The following DDX39A variants were observed in gnomAD, a reference collection of about 807,000 sequenced individuals.
The protein encoded by DDX39A is ATP-dependent RNA helicase DDX39A.
A neutral mutation model predicts 46.3 loss-of-function variants in DDX39A; 13 were observed. The ratio of observed to expected loss-of-function variants is 0.28; its 90% confidence interval spans 0.18 to 0.45. DDX39A has a LOEUF of 0.45. DDX39A is among the 20% of genes least tolerant of loss of function. The pLI is 1.00. For synonymous variants in DDX39A, 234 were observed against 224.6 expected, an observed-to-expected ratio of 1.04 and a Z score of -0.38; for missense variants, 352 against 581.8, an observed-to-expected ratio of 0.61 and a Z score of 4.06.
In DDX39A at chr19:14,410,908, C is replaced by A; in HGVS notation, c.613+81G>T. 1 of 1,347,438 alleles carries A rather than the reference C, an allele frequency of 7.4e-7. No homozygotes were observed. Among genetic ancestry groups the A allele is most frequent in the South Asian group, 1.5e-5 (1 of 65,042 alleles). The allele number at this position is 1,347,438 out of a possible 1,614,324, so 83.5% of individuals were successfully genotyped here. ...CCCCGCCTGCCGGCCGCCCATGTAACCCACTCAAGAGCCTTCCGCCTGCTA... is the reference window on the plus strand; with the variant it reads ...CCCCGCCTGCCGGCCGCCCATGTAAACCACTCAAGAGCCTTCCGCCTGCTA... On this transcript the variant is annotated intron_variant, in intron 5 of 10. Coordinates refer to ENST00000242776, the MANE Select transcript of DDX39A (RefSeq NM_005804.4). The surrounding 1 kb of genome is among the most constrained non-coding windows in gnomAD (Gnocchi z 4.3).
At chr19:14,418,993 C>T (rs1976934354) in intron 1 of DDX39A, 1 of 456,158 alleles carries the variant, frequency 2.2e-6, no homozygotes, top group African/African-American at 2.0e-5. Context: ...CTGACAGACT[C>T]CAAGTGGGGC....
At position 14,411,696 on chromosome 19, in the gene DDX39A, C is replaced by CA; in HGVS notation, c.337-99dup. The CA allele has an allele frequency of 9.2e-7, 1 of 1,088,790 alleles. No homozygotes were observed. Among genetic ancestry groups the CA allele is most frequent in the Non-Finnish European group, 1.4e-6 (1 of 730,168 alleles). The allele number at this position is 1,088,790 out of a possible 1,614,324, so 67.4% of individuals were successfully genotyped here. The stretch of plus-strand genomic sequence containing the variant: ...AACCCAGTCCCCCTGACACTGCACC[C>CA]AACATCACAGGCCATTTGAAGGCCC... On this transcript the variant is annotated intron_variant, in intron 3 of 10. Coordinates refer to ENST00000242776, the MANE Select transcript of DDX39A (RefSeq NM_005804.4). The surrounding 1 kb of genome is among the most constrained non-coding windows in gnomAD (Gnocchi z 4.1).
At chr19:14,415,474 T>G (rs1466495859) in intron 1 of DDX39A, among the ~76,000 whole-genome samples, 1 of 151,992 alleles carries the variant, frequency 6.6e-6, no homozygotes, top group Non-Finnish European at 1.5e-5. Flanking sequence ...TTTTTGTATT[T>G]GTAACAGAGA....
In DDX39A at chr19:14,412,465, C is replaced by T. The variant is rs769554985; in HGVS notation, c.336+86G>A. On this transcript the variant is annotated intron_variant, in intron 3 of 10. Coordinates refer to ENST00000242776, the MANE Select transcript of DDX39A (RefSeq NM_005804.4). This position sits in a 1 kb window ranked among gnomAD's most constrained non-coding sequence, Gnocchi z 4.4. ...AGCCTCAGCTTCCCAAAGCACTGGG[C>T]TAACAGGTGTGAGCCACCCCATCCA... 1.3e-6 allele frequency: 2 copies of T among 1,525,588 alleles called. No individual in the cohort carries two copies. The highest frequency in any genetic ancestry group is 3.8e-5 in the Admixed American group (2 of 52,848). 94.5% of individuals were successfully genotyped at this position (1,525,588 alleles called of 1,614,324 possible).
chr19:14,409,029 G>A lies in DDX39A; in HGVS notation c.1267+8C>T. 1.9e-6 allele frequency: 3 copies of A among 1,614,178 alleles called. No homozygotes were observed. Among genetic ancestry groups the A allele is most frequent in the South Asian group, 1.1e-5 (1 of 91,088 alleles). On this transcript the variant is annotated splice_region_variant and intron_variant, in intron 10 of 10. Transcript: ENST00000242776. The surrounding 1 kb of genome is among the most constrained non-coding windows in gnomAD (Gnocchi z 8.3). ...CCCCAGACCCCTGGCCCTGCCCAAG[G>A]CACTTACTGTATGTGGAGATGTCGA...
rs573937866 is a variant in DDX39A, at chr19:14,412,396, A to G, written c.336+155T>C. On this transcript the variant is annotated intron_variant, in intron 3 of 10. Transcript: ENST00000242776. This position sits in a 1 kb window ranked among gnomAD's most constrained non-coding sequence, Gnocchi z 4.4. ...CAGGCTGGAGTGCAGTGGTGTGATC[A>G]TAGCACACTGCAGCCTCGACTTCCT... 5.9e-4 allele frequency: 575 copies of G among 980,688 alleles called. 12 individuals are homozygous for G. The South Asian group carries it at 8.9e-3, about 15-fold the overall frequency. The allele number at this position is 980,688 out of a possible 1,614,324, so 60.7% of individuals were successfully genotyped here.
Position 14,412,947 on chromosome 19 carries a change from G to A in DDX39A, c.208+66C>T. On this transcript the variant is annotated intron_variant, in intron 2 of 10. Transcript: ENST00000242776. The surrounding 1 kb of genome is among the most constrained non-coding windows in gnomAD (Gnocchi z 4.4). ...GGCAAACTGGAGGCGGCACCGCTCT[G>A]GGCGGGCAGGGCTGGTCTTGTCTTG... The A allele has an allele frequency of 6.5e-7, 1 of 1,543,396 alleles. No homozygotes were observed. The highest frequency in any genetic ancestry group is 1.4e-5 in the African/African-American group (1 of 73,274).
chr19:14,411,344 G>A lies in DDX39A; in HGVS notation c.429+162C>T. The A allele has an allele frequency of 1.0e-6, 1 of 991,188 alleles. No homozygotes were observed. Among genetic ancestry groups the A allele is most frequent in the Non-Finnish European group, 1.5e-6 (1 of 670,474 alleles). 61.4% of individuals were successfully genotyped at this position (991,188 alleles called of 1,614,324 possible). A position where few individuals can be genotyped will look rare whatever the true frequency, so the allele number is the denominator to read the frequency against. On this transcript the variant is annotated intron_variant, in intron 4 of 10. Coordinates refer to ENST00000242776, the MANE Select transcript of DDX39A (RefSeq NM_005804.4). The surrounding 1 kb of genome is among the most constrained non-coding windows in gnomAD (Gnocchi z 4.1). ...CTGGGACCTGCGCAGGCCCCTGGGAGCCATGCATAATTCATCAGGCTTTTA... is the reference window on the plus strand; with the variant it reads ...CTGGGACCTGCGCAGGCCCCTGGGAACCATGCATAATTCATCAGGCTTTTA...
At position 14,409,338 on chromosome 19, in the gene DDX39A, C is replaced by T. The variant is rs1976453205; in HGVS notation, c.1084G>A (p.Asp362Asn). ...IERVNIVFNY[D>N]MPEDSDTYLH... ...TAGGTGTCCGAGTCCTCAGGCATGT[C>T]GTAGTTAAAGACGATGTTGACTCGC... is the stretch of plus-strand genomic sequence containing the variant. The change falls in exon 9 of 11, where the codon GAC becomes AAC. Residue 362 changes from aspartate (D) to asparagine (N), a missense_variant. By Grantham distance (23) the Asp-to-Asn change is conservative (BLOSUM62 1). Transcript: ENST00000242776. This position sits in a 1 kb window ranked among gnomAD's most constrained non-coding sequence, Gnocchi z 8.3. 1.2e-6 allele frequency: 2 copies of T among 1,614,190 alleles called. No individual in the cohort carries two copies. The highest frequency in any genetic ancestry group is 8.5e-7 in the Non-Finnish European group (1 of 1,180,034).
In DDX39A at chr19:14,411,104, A is replaced by G. The variant is rs1449391005; in HGVS notation, c.498T>C (p.His166=). 1.9e-6 allele frequency: 3 copies of G among 1,611,654 alleles called. No homozygotes were observed. The Admixed American group carries it at 5.1e-5, about 27-fold the overall frequency. ...TGCGGCCCGGGGTCCCCACCACGAC[A>G]TGGGGACAGTTCTTCTTCAACACTT... The part of the protein sequence containing the change: ...DEEVLKKNCP[H]VVVGTPGRIL... The change falls in exon 5 of 11, where the codon CAT becomes CAC. Residue 166 remains histidine, a synonymous_variant. Transcript: ENST00000242776. The surrounding 1 kb of genome is among the most constrained non-coding windows in gnomAD (Gnocchi z 4.1).
At position 14,412,330 on chromosome 19, in the gene DDX39A, A is replaced by G. The variant is rs1469381072; in HGVS notation, c.336+221T>C. 6.0e-6 allele frequency: 3 copies of G among 502,018 alleles called. No homozygotes were observed. Among genetic ancestry groups the G allele is most frequent in the African/African-American group, 2.0e-5 (1 of 51,010 alleles). 31.1% of individuals were successfully genotyped at this position (502,018 alleles called of 1,614,324 possible). The stretch of plus-strand genomic sequence containing the variant: ...TTATTGGCAATTTCTAATTTTTGTT[A>G]TAACTAATTATTTTTTGAGATGGAG... On this transcript the variant is annotated intron_variant, in intron 3 of 10. Transcript: ENST00000242776. The surrounding 1 kb of genome is among the most constrained non-coding windows in gnomAD (Gnocchi z 4.4).
chr19:14,419,007 G>C (rs1414073685), intron 1 of DDX39A: 2 of 456,086 alleles, frequency 4.4e-6, no homozygotes, highest in African/African-American at 4.0e-5. Flanking sequence ...GTGGGGCTCG[G>C]AGCGCCGTAG....
Position 14,411,815 on chromosome 19 carries a change from C to T in DDX39A, c.337-217G>A, listed in dbSNP as rs1320529759. The stretch of plus-strand genomic sequence containing the variant: ...TGAAACCTGTCTCCCAACACCAGGA[C>T]CCACAATAAGAAACAGAAAATGGAA... On this transcript the variant is annotated intron_variant, in intron 3 of 10. Coordinates refer to ENST00000242776, the MANE Select transcript of DDX39A (RefSeq NM_005804.4). The surrounding 1 kb of genome is among the most constrained non-coding windows in gnomAD (Gnocchi z 4.1). Among the ~76,000 whole-genome samples, 1 of 152,038 alleles carries T rather than the reference C, an allele frequency of 6.6e-6. No homozygotes were observed. The highest frequency in any genetic ancestry group is 1.5e-5 in the Non-Finnish European group (1 of 68,026).
At chr19:14,418,945 A>G in intron 1 of DDX39A, 1 of 455,958 alleles carries the variant, frequency 2.2e-6, no homozygotes, top group Non-Finnish European at 4.4e-6. Context: ...GTCCCTCTCC[A>G]AATGGCCCCA....
Position 14,410,393 on chromosome 19 carries a change from C to G in DDX39A, c.614-59G>C. The G allele has an allele frequency of 6.8e-7, 1 of 1,474,282 alleles. No individual in the cohort carries two copies. Among genetic ancestry groups the G allele is most frequent in the Admixed American group, 1.7e-5 (1 of 59,768 alleles). 91.3% of individuals were successfully genotyped at this position (1,474,282 alleles called of 1,614,324 possible). A position where few individuals can be genotyped will look rare whatever the true frequency, so the allele number is the denominator to read the frequency against. On this transcript the variant is annotated intron_variant, in intron 5 of 10. Coordinates refer to ENST00000242776, the MANE Select transcript of DDX39A (RefSeq NM_005804.4). This position sits in a 1 kb window ranked among gnomAD's most constrained non-coding sequence, Gnocchi z 4.3. The stretch of plus-strand genomic sequence containing the variant: ...AGCGTCTGCCATGCAGGACCCCCAC[C>G]CCAGACCAGACCCAGACCCCTCCCA...
At chr19:14,413,895 C>G (rs571019505) in intron 1 of DDX39A, 1 of 152,384 alleles carries the variant, frequency 6.6e-6, no homozygotes, top group African/African-American at 2.4e-5. Flanking sequence ...ATTAAGTGCT[C>G]TCATGAAAGG....
chr19:14,410,332 T>G lies in DDX39A; in HGVS notation c.616A>C (p.Met206Leu). ...ECDKMLEQLD[M>L]RRDVQEIFRL... ...AAGATCTCCTGCACATCCCGCCGCA[T>G]GTCTAGGTGGGGAGGGCAAGACATG... Residue 206 changes from methionine (M) to leucine (L), a missense_variant and splice_region_variant, in exon 6 of 11, where the codon ATG (methionine) becomes CTG (leucine). By Grantham distance (15) the Met-to-Leu change is conservative. This residue lies in a region of DDX39A where 301 missense variants were observed against 469.9 expected (regional missense o/e 0.64). Transcript: ENST00000242776. This position sits in a 1 kb window ranked among gnomAD's most constrained non-coding sequence, Gnocchi z 4.3. The G allele has an allele frequency of 6.2e-7, 1 of 1,613,762 alleles. No homozygotes were observed. Among genetic ancestry groups the G allele is most frequent in the Non-Finnish European group, 8.5e-7 (1 of 1,179,704 alleles).
intron 1 of DDX39A, chr19:14,418,940 T>G (rs1309824456): frequency 6.6e-6 from 3 of 454,868 alleles, no homozygotes. Flanking sequence ...CCCTCGTCCC[T>G]CTCCAAATGG....
At chr19:14,416,051 G>A (rs1976798265) in intron 1 of DDX39A, 1 of 152,208 alleles carries the variant, frequency 6.6e-6, no homozygotes, top group Non-Finnish European at 1.5e-5. Flanking sequence ...GGGCGACAGA[G>A]CAAGACCAAG....
Sources: allele counts gnomAD v4.1 joint callset (sites outside exome capture counted in the v4.1 genomes callset), GRCh38; gene constraint gnomAD v4.1.1; regional missense constraint gnomAD v4.1.1; non-coding constraint Gnocchi (gnomAD v3.1); transcripts MANE v1.5; gene names NCBI Gene and HGNC (gene_info 2026-07-23, HGNC 2026-07-21).